Variants in EBF1 observed in about 807,000 individuals in gnomAD.
EBF1 encodes the protein EBF transcription factor 1, also known as transcription factor COE1.
EBF1 carries 10 observed loss-of-function variants against 68.4 expected under a neutral mutation model. The ratio of observed to expected loss-of-function variants is 0.15; its 90% confidence interval spans 0.09 to 0.25. EBF1 has a LOEUF of 0.25. Ranked by LOEUF, EBF1 falls within the 10% of genes least tolerant of loss-of-function variation. The pLI is 1.00. For synonymous variants in EBF1, 298 were observed against 299.8 expected (o/e 0.99, Z 0.06); for missense variants, 509 against 794.4 (o/e 0.64, Z 4.32).
intron 8 of EBF1, among the ~76,000 whole-genome samples, chr5:158,804,031 C>T (rs1781123731): frequency 7.0e-6 from 1 of 142,708 alleles, no homozygotes; most frequent in African/African-American, 2.6e-5. Context: ...AGAGATCTCT[C>T]CATACTAGAT....
At chr5:158,749,541 T>A (rs1390437848) in intron 10 of EBF1, among the ~76,000 whole-genome samples, 1 of 152,094 alleles carries the variant, frequency 6.6e-6, no homozygotes, top group Non-Finnish European at 1.5e-5. Context: ...GAGTCTAGGA[T>A]CAACCACGCT....
At chr5:158,908,804 T>C (rs546874299) in intron 6 of EBF1, among the ~76,000 whole-genome samples, 1 of 152,354 alleles carries the variant, frequency 6.6e-6, no homozygotes, top group East Asian at 1.9e-4. Flanking sequence ...CAACTCATAC[T>C]GAGAACCAGG....
At chr5:158,938,202 C>G (rs953832365) in intron 6 of EBF1, among the ~76,000 whole-genome samples, 2 of 152,172 alleles carry the variant, frequency 1.3e-5, no homozygotes, top group African/African-American at 4.8e-5. Flanking sequence ...CATAAAATTG[C>G]GATACTTTAA....
chr5:158,715,775 C>T (rs1319825208), intron 11 of EBF1, among the ~76,000 whole-genome samples: 1 of 152,140 alleles, frequency 6.6e-6, no homozygotes, highest in Non-Finnish European at 1.5e-5. Context: ...GCACACTAAA[C>T]CCTATCCCCA....
intron 6 of EBF1, among the ~76,000 whole-genome samples, chr5:158,862,575 A>C (rs1255321286): frequency 6.6e-6 from 1 of 152,168 alleles, no homozygotes; most frequent in Non-Finnish European, 1.5e-5. Flanking sequence ...AGGGCTGAGA[A>C]AAGGACTCAA....
intron 8 of EBF1, among the ~76,000 whole-genome samples, chr5:158,819,781 C>T (rs1359605693): frequency 1.3e-5 from 2 of 152,136 alleles, no homozygotes; most frequent in Non-Finnish European, 2.9e-5. Flanking sequence ...GAAGAAACCT[C>T]ACTAGGCTAA....
chr5:158,974,488 A>G (rs913473675), intron 6 of EBF1, among the ~76,000 whole-genome samples: 1 of 152,148 alleles, frequency 6.6e-6, no homozygotes, highest in African/African-American at 2.4e-5. Flanking sequence ...GTGAGAAAAA[A>G]ATCCTCATTG....
At chr5:158,741,979 G>A (rs1357556853) in intron 10 of EBF1, among the ~76,000 whole-genome samples, 1 of 152,168 alleles carries the variant, frequency 6.6e-6, no homozygotes, top group East Asian at 1.9e-4. Flanking sequence ...AGAAAATGGA[G>A]GCTTGGAGAG....
intron 6 of EBF1, among the ~76,000 whole-genome samples, chr5:159,051,585 C>A (rs1184284877): frequency 4.0e-5 from 6 of 151,844 alleles, no homozygotes; most frequent in African/African-American, 1.5e-4. Context: ...CAAACACCGC[C>A]GGCCCGGCTC....
rs138251483 is a variant in EBF1 at position 159,018,009 on chromosome 5, G to A, written c.554+55387C>T. 1.0e-3 allele frequency among the ~76,000 whole-genome samples: 151 copies of A among 150,844 alleles called. No individual in the cohort carries two copies. The East Asian group carries it at 0.021, about 21-fold the overall frequency. On this transcript the variant is annotated intron_variant, in intron 6 of 15. Coordinates refer to ENST00000313708, the MANE Select transcript of EBF1 (RefSeq NM_024007.5). ...CAGAGGCCCATTTCCTGTCTCCCCC[G>A]TCCCTGCCCCAGCCTCCTGGGCAAG...
chr5:158,965,767 A>G (rs543501001), intron 6 of EBF1, among the ~76,000 whole-genome samples: 27 of 152,366 alleles, frequency 1.8e-4, no homozygotes, highest in African/African-American at 6.5e-4. Context: ...ATTTAGTAGC[A>G]TAATTAATCC....
At chr5:158,785,535 T>C (rs1442351063) in intron 9 of EBF1, among the ~76,000 whole-genome samples, 1 of 152,186 alleles carries the variant, frequency 6.6e-6, no homozygotes, top group Admixed American at 6.5e-5. Context: ...TTCCCAAGAA[T>C]TGCCTGTCTC....
chr5:158,760,838 G>A (rs1308369286), intron 10 of EBF1, among the ~76,000 whole-genome samples: 1 of 151,816 alleles, frequency 6.6e-6, no homozygotes, highest in Non-Finnish European at 1.5e-5. Context: ...TTTTTTATCC[G>A]CTTCTCCATA....
chr5:158,797,301 G>A (rs1779763679), intron 8 of EBF1, among the ~76,000 whole-genome samples: 1 of 152,214 alleles, frequency 6.6e-6, no homozygotes, highest in Non-Finnish European at 1.5e-5. Context: ...ACTTTCAACA[G>A]AATTGCTGGG....
intron 9 of EBF1, among the ~76,000 whole-genome samples, chr5:158,783,091 A>G (rs1343789426): frequency 6.6e-6 from 1 of 152,184 alleles, no homozygotes; most frequent in Admixed American, 6.5e-5. Context: ...CTAAATGGTA[A>G]GAGTGTTTAT....
chr5:158,977,817 A>G (rs1757083773), intron 6 of EBF1, among the ~76,000 whole-genome samples: 1 of 152,158 alleles, frequency 6.6e-6, no homozygotes, highest in Non-Finnish European at 1.5e-5. Context: ...ACTGGTTCTT[A>G]AATAAACAGG....
intron 6 of EBF1, among the ~76,000 whole-genome samples, chr5:159,039,618 T>A (rs2127770726): frequency 6.6e-6 from 1 of 152,356 alleles, no homozygotes; most frequent in East Asian, 1.9e-4. Context: ...CGCTATTAAA[T>A]AACTTTTTTA....
chr5:158,826,434 C>T (rs1562043440), intron 7 of EBF1, among the ~76,000 whole-genome samples: 2 of 152,152 alleles, frequency 1.3e-5, no homozygotes, highest in Admixed American at 6.5e-5. Context: ...GCATTGGACA[C>T]GGTGAACAGG....
chr5:158,772,547 A>C (rs1043100266), intron 10 of EBF1, among the ~76,000 whole-genome samples: 2 of 152,174 alleles, frequency 1.3e-5, no homozygotes, highest in African/African-American at 4.8e-5. Flanking sequence ...ATTCCTGCAA[A>C]AATATTTGTT....
Sources: gnomAD v4.1 joint callset for allele counts (sites outside exome capture counted in the v4.1 genomes callset) on GRCh38, gnomAD v4.1.1 for gene constraint, MANE v1.5 for transcripts, NCBI Gene and HGNC (gene_info 2026-07-23, HGNC 2026-07-21) for gene names.